The following ZMYM1 variants were observed in gnomAD, a reference collection of about 807,000 sequenced individuals.
ZMYM1 encodes the protein zinc finger MYM-type containing 1, also known as zinc finger MYM-type protein 1.
A neutral mutation model predicts 60.0 loss-of-function variants in ZMYM1; 39 were observed. That is an observed-to-expected ratio of 0.65 (90% CI 0.50 to 0.85). ZMYM1 has a LOEUF of 0.85. Ranked by LOEUF, ZMYM1 falls within the 40% of genes least tolerant of loss-of-function variation. The pLI is 0.00. For synonymous variants in ZMYM1, 413 were observed against 454.0 expected (o/e 0.91, Z 1.15); for missense variants, 1,171 against 1,309.5 (o/e 0.89, Z 1.63).
chr1:35,095,448 G>A (rs542662749), intron 2 of ZMYM1, among the ~76,000 whole-genome samples: 4 of 148,246 alleles, frequency 2.7e-5, no homozygotes, highest in East Asian at 2.0e-4. Flanking sequence ...ACGAGATCGC[G>A]TCACTGTACT....
chr1:35,063,689 A>C (rs1476510595), intron 1 of ZMYM1, among the ~76,000 whole-genome samples: 2 of 152,188 alleles, frequency 1.3e-5, no homozygotes, highest in Non-Finnish European at 2.9e-5. Context: ...CTGTATGCCC[A>C]AAAAGATAAG....
intron 1 of ZMYM1, among the ~76,000 whole-genome samples, chr1:35,062,817 C>G (rs1453821496): frequency 6.6e-6 from 1 of 152,228 alleles, no homozygotes; most frequent in Non-Finnish European, 1.5e-5. Flanking sequence ...CTCCCAAGAT[C>G]TGTCAGTAAG....
At chr1:35,109,462 A>C (rs958304979) in intron 6 of ZMYM1, among the ~76,000 whole-genome samples, 6 of 152,196 alleles carry the variant, frequency 3.9e-5, no homozygotes, top group Non-Finnish European at 7.3e-5. Context: ...CTACTTACTG[A>C]ACTCACAGTA....
In ZMYM1 at chr1:35,097,474, T is replaced by C. The variant is rs1342009259; in HGVS notation, c.327T>C (p.Ala109=). 1 of 1,614,172 alleles carries C rather than the reference T, an allele frequency of 6.2e-7. No homozygotes were observed. The highest frequency in any genetic ancestry group is 2.2e-5 in the East Asian group (1 of 44,874). The change falls in exon 4 of 10, where the codon GCT becomes GCC. Residue 109 remains alanine (A), a synonymous_variant. Coordinates refer to ENST00000359858, the MANE Select transcript of ZMYM1 (RefSeq NM_024772.5). Reference sequence around the variant, plus strand: ...CTGCTTATCAGAGGAAAGGATCTGCTCAACTTTTCTGCTCCATACCATGCA... The same window carrying C: ...CTGCTTATCAGAGGAAAGGATCTGCCCAACTTTTCTGCTCCATACCATGCA... ...GQTAYQRKGS[A]QLFCSIPCIT... is the part of the protein sequence containing the mutation.
At chr1:35,076,459 T>C (rs549020742), upstream of ZMYM1, among the ~76,000 whole-genome samples, 5 of 151,770 alleles carry the variant, frequency 3.3e-5, no homozygotes, top group Non-Finnish European at 2.9e-5. Flanking sequence ...CCATCTCTAC[T>C]AAAAATACAA....
chr1:35,073,873 G>A (rs1312995745), intron 1 of ZMYM1, among the ~76,000 whole-genome samples: 1 of 152,102 alleles, frequency 6.6e-6, no homozygotes, highest in Non-Finnish European at 1.5e-5. Context: ...TTGGCTCACT[G>A]CAACTTCCGC....
chr1:35,117,977 C>T (rs1475545649), downstream of ZMYM1, among the ~76,000 whole-genome samples: 2 of 151,876 alleles, frequency 1.3e-5, no homozygotes, highest in Admixed American at 6.6e-5. Context: ...CGGTAGCTCA[C>T]GCCTATAATC....
At chr1:35,091,214 A>ATATTTATT (rs377278111) in intron 1 of ZMYM1, among the ~76,000 whole-genome samples, 73 of 151,472 alleles carry the variant, frequency 4.8e-4, no homozygotes, top group African/African-American at 1.7e-3. Context: ...TCAAGTGGAG[A>ATATTTATT]TATTTATTTA....
intron 1 of ZMYM1, among the ~76,000 whole-genome samples, chr1:35,084,498 A>G (rs760097971): frequency 1.3e-5 from 2 of 152,240 alleles, no homozygotes; most frequent in African/African-American, 2.4e-5. Context: ...AGGGTTGATT[A>G]TAGGTCTTGT....
chr1:35,085,116 C>T (rs375757291), intron 1 of ZMYM1, among the ~76,000 whole-genome samples: 8 of 152,068 alleles, frequency 5.3e-5, no homozygotes, highest in East Asian at 1.9e-4. Flanking sequence ...GGCACTGTCT[C>T]AGCTCACTGC....
intron 1 of ZMYM1, 51 bp from the exon 2 acceptor site, chr1:35,093,863 T>A (rs925891026): frequency 2.6e-5 from 17 of 653,592 alleles, no homozygotes; most frequent in Non-Finnish European, 3.9e-5. Context: ...AATTACCATA[T>A]TTAAAAGGAC....
chr1:35,086,045 AATG>A (rs1387774543), intron 1 of ZMYM1, among the ~76,000 whole-genome samples: 1 of 152,228 alleles, frequency 6.6e-6, no homozygotes, highest in Non-Finnish European at 1.5e-5. Flanking sequence ...GCAAATTTTC[AATG>A]ATGACAGAAT....
At chr1:35,066,242 G>A (rs968264904) in intron 1 of ZMYM1, among the ~76,000 whole-genome samples, 2 of 152,210 alleles carry the variant, frequency 1.3e-5, no homozygotes, top group Non-Finnish European at 2.9e-5. Flanking sequence ...TTGTTGCCCA[G>A]GCTGGAGTGC....
At chr1:35,107,013 G>A (rs1643912872) in intron 6 of ZMYM1, among the ~76,000 whole-genome samples, 4 of 151,524 alleles carry the variant, frequency 2.6e-5, no homozygotes. Context: ...CACCACGTCT[G>A]GCTAATTTTT....
intron 1 of ZMYM1, among the ~76,000 whole-genome samples, chr1:35,079,726 G>A (rs995011383): frequency 6.6e-6 from 1 of 152,218 alleles, no homozygotes; most frequent in African/African-American, 2.4e-5. Flanking sequence ...TGTAGTAACT[G>A]GGCCTTCAGA....
chr1:35,075,830 A>G (rs1372941893), upstream of ZMYM1, among the ~76,000 whole-genome samples: 1 of 152,206 alleles, frequency 6.6e-6, no homozygotes, highest in African/African-American at 2.4e-5. Context: ...CTTCCAGGAA[A>G]GGTTGCAGTT....
At chr1:35,082,727 C>G (rs1465953052) in intron 1 of ZMYM1, among the ~76,000 whole-genome samples, 1 of 151,426 alleles carries the variant, frequency 6.6e-6, no homozygotes, top group Non-Finnish European at 1.5e-5. Context: ...CCCCTGTAAT[C>G]CCAGCACTTT....
At chr1:35,086,836 C>T (rs1018685272) in intron 1 of ZMYM1, among the ~76,000 whole-genome samples, 1 of 151,866 alleles carries the variant, frequency 6.6e-6, no homozygotes, top group African/African-American at 2.4e-5. Context: ...CGCCCACCAC[C>T]ACGCTTGGCT....
chr1:35,115,341 A>T lies in ZMYM1; in HGVS notation c.*82A>T, dbSNP rs1162751316. On this transcript the variant is annotated 3_prime_UTR_variant, in exon 10 of 10. Transcript: ENST00000359858. ...TTCAAAATTGTTCAAAATTCAAAAG[A>T]CACAGAACGATAAACAGTGAAGTCT... 1.7e-5 allele frequency: 25 copies of T among 1,429,336 alleles called. 1 individual carries two copies. Among genetic ancestry groups the T allele is most frequent in the Non-Finnish European group, 2.2e-5 (24 of 1,081,152 alleles). 88.5% of individuals were successfully genotyped at this position (1,429,336 alleles called of 1,614,324 possible). A position where few individuals can be genotyped will look rare whatever the true frequency, so the allele number is the denominator to read the frequency against.
Sources: gnomAD v4.1 joint callset for allele counts (sites outside exome capture counted in the v4.1 genomes callset) on GRCh38, gnomAD v4.1.1 for gene constraint, MANE v1.5 for transcripts, NCBI Gene and HGNC (gene_info 2026-07-23, HGNC 2026-07-21) for gene names.